NFKB1: variants seen among roughly 807,000 people sequenced by gnomAD.
NFKB1 encodes the protein nuclear factor NF-kappa-B p105 subunit.
Under a neutral mutation model 105.1 loss-of-function variants are expected in NFKB1, and 9 were observed. The observed-to-expected ratio is 0.09, with a 90% CI of 0.05 to 0.15. NFKB1 has a LOEUF of 0.15. NFKB1 is among the 10% of genes least tolerant of loss of function. NFKB1 has a pLI of 1.00. For synonymous variants in NFKB1, 440 were observed against 442.2 expected, an observed-to-expected ratio of 1.00 and a Z score of 0.06; for missense variants, 830 against 1,203.7, an observed-to-expected ratio of 0.69 and a Z score of 4.59.
At chr4:102,585,918 C>T (rs568468953) in intron 11 of NFKB1, among the ~76,000 whole-genome samples, 4 of 152,108 alleles carry the variant, frequency 2.6e-5, no homozygotes, top group South Asian at 2.1e-4. Flanking sequence ...TCTGAGCGCT[C>T]GGATGGACAT....
rs12641009 is a variant in NFKB1, at chr4:102,597,383, A to C, written c.1496-137A>C. Reference sequence around the variant, plus strand: ...TTTCTAGTCCACACAATCCAAAAGCATTGAAAGAACATTTTCAACTAAAAT... The same window carrying C: ...TTTCTAGTCCACACAATCCAAAAGCCTTGAAAGAACATTTTCAACTAAAAT... On this transcript the variant is annotated intron_variant, in intron 14 of 23. Transcript: ENST00000226574. 1,586 of 890,438 alleles carry C rather than the reference A, an allele frequency of 1.8e-3. 31 individuals are homozygous for C. The East Asian group carries it at 0.037, about 21-fold the overall frequency. The allele number at this position is 890,438 out of a possible 1,614,324, so 55.2% of individuals were successfully genotyped here.
At chr4:102,606,755 G>T in intron 17 of NFKB1, 58 bp downstream of exon 17, 1 of 1,520,644 alleles carries the variant, frequency 6.6e-7, no homozygotes, top group South Asian at 1.2e-5. Flanking sequence ...ATATCTACTA[G>T]GTATTTGATA....
intron 5 of NFKB1, among the ~76,000 whole-genome samples, chr4:102,538,583 G>T (rs79651301): frequency 6.6e-6 from 1 of 152,034 alleles, no homozygotes; most frequent in African/African-American, 2.4e-5. Flanking sequence ...GAACTGCTAC[G>T]TGACATGCTG....
intron 16 of NFKB1, among the ~76,000 whole-genome samples, chr4:102,605,567 A>G (rs1330240881): frequency 1.3e-5 from 2 of 152,242 alleles, no homozygotes; most frequent in Non-Finnish European, 2.9e-5. Flanking sequence ...TTTGAAAGAT[A>G]CGTTTGTGAT....
chr4:102,614,261 A>T (rs1728725700), intron 23 of NFKB1, among the ~76,000 whole-genome samples: 1 of 152,034 alleles, frequency 6.6e-6, no homozygotes, highest in African/African-American at 2.4e-5. Context: ...GGTGGGTTAA[A>T]TTTCTTTGCC....
intron 1 of NFKB1, among the ~76,000 whole-genome samples, chr4:102,502,390 G>GCACA (rs754187388): frequency 0.026 from 2,727 of 105,196 alleles, 106 homozygotes; most frequent in African/African-American, 0.071. Context: ...GCGCGCGCGC[G>GCACA]CACACACACA....
At position 102,600,935 on chromosome 4, in the gene NFKB1, G is replaced by A; in HGVS notation, c.1678G>A (p.Val560Met). 1.2e-6 allele frequency: 2 copies of A among 1,612,222 alleles called. No individual in the cohort carries two copies. The highest frequency in any genetic ancestry group is 1.7e-6 in the Non-Finnish European group (2 of 1,178,428). Residue 560 changes from valine to methionine, a missense_variant, in exon 16 of 24, where the codon GTG (valine) becomes ATG (methionine). Val to Met is a conservative substitution (Grantham distance 21). Coordinates refer to ENST00000226574, the MANE Select transcript of NFKB1 (RefSeq NM_003998.4). ...AATCATCCACCTTCATTCTCAACTTGTGAGGGATCTACTAGAAGTCACATC... is the reference window on the plus strand; with the variant it reads ...AATCATCCACCTTCATTCTCAACTTATGAGGGATCTACTAGAAGTCACATC... ...LAIIHLHSQL[V>M]RDLLEVTSGL... is the part of the protein sequence containing the mutation.
At chr4:102,534,055 C>T (rs1017324093) in intron 4 of NFKB1, among the ~76,000 whole-genome samples, 170 bp downstream of exon 4, 16 of 152,170 alleles carry the variant, frequency 1.1e-4, no homozygotes, top group Non-Finnish European at 4.4e-5. Flanking sequence ...ATTTCTCTTA[C>T]TCATTGTTCA....
intron 1 of NFKB1, among the ~76,000 whole-genome samples, chr4:102,519,950 A>C (rs138243137): frequency 2.6e-5 from 4 of 152,318 alleles, no homozygotes; most frequent in African/African-American, 9.6e-5. Context: ...GAACCAAAGC[A>C]CTGTCATGAT....
At chr4:102,595,573 G>T (rs1234881699) in intron 13 of NFKB1, among the ~76,000 whole-genome samples, 1 of 152,172 alleles carries the variant, frequency 6.6e-6, no homozygotes, top group African/African-American at 2.4e-5. Flanking sequence ...GCACACAAAA[G>T]GCATCAAAGT....
At chr4:102,614,238 T>C (rs1728722451) in intron 23 of NFKB1, among the ~76,000 whole-genome samples, 1 of 152,134 alleles carries the variant, frequency 6.6e-6, no homozygotes, top group Admixed American at 6.5e-5. Context: ...TTGGCAGCCT[T>C]CCATCCGGAC....
chr4:102,593,516 A>G lies in NFKB1; in HGVS notation c.1158A>G (p.Gly386=). Residue 386 remains glycine (G), a synonymous_variant, in exon 12 of 24, where the codon GGA becomes GGG. Coordinates refer to ENST00000226574, the MANE Select transcript of NFKB1 (RefSeq NM_003998.4). ...GGGSGAGAGG[G]GMFGSGGGGG... ...GTAGTGGTGCTGGAGCTGGAGGCGG[A>G]GGCATGTTTGGTAGTGGCGGTGGAG... 1 of 1,613,486 alleles carries G rather than the reference A, an allele frequency of 6.2e-7. No individual in the cohort carries two copies. Among genetic ancestry groups the G allele is most frequent in the Non-Finnish European group, 8.5e-7 (1 of 1,179,524 alleles).
intron 11 of NFKB1, among the ~76,000 whole-genome samples, chr4:102,591,761 C>G (rs999301383): frequency 6.6e-6 from 1 of 152,224 alleles, no homozygotes; most frequent in Non-Finnish European, 1.5e-5. Flanking sequence ...TACTAACAGC[C>G]ATTCTGCAGC....
At chr4:102,506,929 T>C (rs1044113796) in intron 1 of NFKB1, among the ~76,000 whole-genome samples, 1 of 150,854 alleles carries the variant, frequency 6.6e-6, no homozygotes, top group Non-Finnish European at 1.5e-5. Context: ...TAGTTACATA[T>C]ACAGATATGG....
rs373694358 is a variant in NFKB1 at position 102,526,940 on chromosome 4, G to A, written c.39+1383G>A. Among the ~76,000 whole-genome samples, 40 of 143,106 alleles carry A rather than the reference G, an allele frequency of 2.8e-4. 1 individual carries two copies. Among genetic ancestry groups the A allele is most frequent in the East Asian group, 1.3e-3 (6 of 4,794 alleles). The allele number at this position is 143,106 out of a possible 152,430, so 93.9% of individuals were successfully genotyped here. On this transcript the variant is annotated intron_variant, in intron 2 of 23. Coordinates refer to ENST00000226574, the MANE Select transcript of NFKB1 (RefSeq NM_003998.4). ...CTCTTTTTCGTGTGTGTGTGTGTGTGTATATATGTATATATGTATATGTAT... is the reference window on the plus strand; with the variant it reads ...CTCTTTTTCGTGTGTGTGTGTGTGTATATATATGTATATATGTATATGTAT...
At chr4:102,590,527 C>T (rs775591287) in intron 11 of NFKB1, among the ~76,000 whole-genome samples, 6 of 152,118 alleles carry the variant, frequency 3.9e-5, no homozygotes, top group Admixed American at 1.3e-4. Context: ...TCTCAATACT[C>T]GAAACTTTTC....
chr4:102,503,669 C>T (rs1739235947), intron 1 of NFKB1, among the ~76,000 whole-genome samples: 1 of 152,072 alleles, frequency 6.6e-6, no homozygotes, highest in Admixed American at 6.6e-5. Flanking sequence ...CCTTTGTAAG[C>T]ATTGCTTTGA....
intron 5 of NFKB1, among the ~76,000 whole-genome samples, chr4:102,553,063 C>T (rs1476632151): frequency 6.6e-6 from 1 of 152,138 alleles, no homozygotes; most frequent in Non-Finnish European, 1.5e-5. Context: ...CACAGGAAAT[C>T]ACAATAGAAT....
At chr4:102,558,558 A>G (rs974266448) in intron 5 of NFKB1, among the ~76,000 whole-genome samples, 1 of 152,216 alleles carries the variant, frequency 6.6e-6, no homozygotes, top group Non-Finnish European at 1.5e-5. Context: ...TTATGCATTC[A>G]TTAGTGTATT....
Sources: allele counts gnomAD v4.1 joint callset (sites outside exome capture counted in the v4.1 genomes callset), GRCh38; gene constraint gnomAD v4.1.1; transcripts MANE v1.5; gene names NCBI Gene and HGNC (gene_info 2026-07-23, HGNC 2026-07-21).